The following PIP4K2A variants were observed in gnomAD, a reference collection of about 807,000 sequenced individuals.
PIP4K2A encodes phosphatidylinositol-5-phosphate 4-kinase type 2 alpha, also known as phosphatidylinositol 5-phosphate 4-kinase type-2 alpha.
PIP4K2A carries 14 observed loss-of-function variants against 42.9 expected under a neutral mutation model. The ratio of observed to expected loss-of-function variants is 0.33; its 90% CI spans 0.22 to 0.51. PIP4K2A has a LOEUF of 0.51. Ranked by LOEUF, PIP4K2A falls within the 20% of genes least tolerant of loss-of-function variation. The probability of loss-of-function intolerance (pLI) is 0.97; values close to 1 mark genes in which losing one functional copy is unlikely to be tolerated. For missense variants in PIP4K2A, 434 were observed against 519.8 expected (o/e 0.83, Z 1.61); for synonymous variants, 192 against 192.2 (o/e 1.00, Z 0.01).
chr10:22,570,372 C>T (rs1836955949), intron 5 of PIP4K2A, among the ~76,000 whole-genome samples: 2 of 152,226 alleles, frequency 1.3e-5, no homozygotes, highest in South Asian at 4.1e-4. Flanking sequence ...TGGCTTTCTT[C>T]CCTGGGGAAG....
At chr10:22,664,142 C>CGTAT (rs1319988593) in intron 1 of PIP4K2A, among the ~76,000 whole-genome samples, 1 of 27,956 alleles carries the variant, frequency 3.6e-5, no homozygotes, top group East Asian at 5.9e-4. Context: ...TATATATATA[C>CGTAT]ATATATATAC....
intron 1 of PIP4K2A, among the ~76,000 whole-genome samples, chr10:22,618,809 C>T (rs1015945421): frequency 1.3e-5 from 2 of 152,178 alleles, no homozygotes; most frequent in Admixed American, 1.3e-4. Context: ...GGTGCAATAC[C>T]TACGACCTCT....
intron 3 of PIP4K2A, among the ~76,000 whole-genome samples, chr10:22,606,244 G>C (rs1254156341): frequency 6.6e-6 from 1 of 152,080 alleles, no homozygotes; most frequent in Non-Finnish European, 1.5e-5. Context: ...CCAGCAGTTT[G>C]AGGCTGCAGT....
intron 2 of PIP4K2A, 94 bp downstream of exon 2, chr10:22,609,526 C>T: frequency 2.7e-6 from 2 of 738,410 alleles, no homozygotes; most frequent in South Asian, 1.5e-5. Flanking sequence ...AACTTTACTC[C>T]CACCCATTGA....
At chr10:22,607,165 T>C (rs1266251800) in intron 3 of PIP4K2A, among the ~76,000 whole-genome samples, 3 of 152,230 alleles carry the variant, frequency 2.0e-5, no homozygotes, top group African/African-American at 7.2e-5. Context: ...AAAAAATCCT[T>C]AGCATTTACG....
intron 2 of PIP4K2A, 81 bp downstream of exon 2, chr10:22,609,531 CATTGACAA>C (rs2130708592): frequency 1.3e-6 from 1 of 755,096 alleles, no homozygotes. Context: ...TACTCCCACC[CATTGACAA>C]ATTATGTGAT....
chr10:22,635,498 C>A (rs966381641), intron 1 of PIP4K2A, among the ~76,000 whole-genome samples: 1 of 152,148 alleles, frequency 6.6e-6, no homozygotes, highest in Non-Finnish European at 1.5e-5. Flanking sequence ...GAGACTGTTA[C>A]CCACTGAGTT....
chr10:22,582,891 TAAAA>T (rs57477195), intron 4 of PIP4K2A, among the ~76,000 whole-genome samples: 55 of 118,626 alleles, frequency 4.6e-4, no homozygotes, highest in African/African-American at 1.1e-3. Context: ...CGTCTTGAAG[TAAAA>T]AAAAAAAAAA....
chr10:22,677,865 A>G lies in PIP4K2A; in HGVS notation c.144+36318T>C, dbSNP rs1484619139. ...TGGCCTTCTAGCTGAAGTTTAAATG[A>G]AAGTAACAATTCGGAGATTTGCTAA... On this transcript the variant is annotated intron_variant, in intron 1 of 9. Coordinates refer to ENST00000376573, the MANE Select transcript of PIP4K2A (RefSeq NM_005028.5). Among the ~76,000 whole-genome samples, 4 of 152,284 alleles carry G rather than the reference A, an allele frequency of 2.6e-5. No individual in the cohort carries two copies. In the East Asian group the frequency reaches 7.7e-4, roughly 29 times the overall value.
chr10:22,713,835 G>A (rs1009368990), intron 1 of PIP4K2A: 2 of 164,744 alleles, frequency 1.2e-5, no homozygotes, highest in Non-Finnish European at 2.6e-5. Flanking sequence ...CAGCCGAGGC[G>A]CCGTGCCCCG....
At chr10:22,678,348 G>A (rs570246413) in intron 1 of PIP4K2A, among the ~76,000 whole-genome samples, 9 of 151,756 alleles carry the variant, frequency 5.9e-5, no homozygotes, top group Non-Finnish European at 1.2e-4. Flanking sequence ...TTTTAGCAGT[G>A]CATGATAAAG....
chr10:22,676,637 ACCTTTCATAGGCTCTT>A (rs1839566320), intron 1 of PIP4K2A, among the ~76,000 whole-genome samples: 2 of 152,224 alleles, frequency 1.3e-5, no homozygotes, highest in African/African-American at 4.8e-5. Context: ...GATAAGGGAG[ACCTTTCATAGGCTCTT>A]CCTGCTGATG....
intron 1 of PIP4K2A, among the ~76,000 whole-genome samples, chr10:22,664,224 TATATACAC>T (rs1490446839): frequency 1.9e-5 from 1 of 52,736 alleles, no homozygotes; most frequent in Non-Finnish European, 3.5e-5. Context: ...TATACATATA[TATATACAC>T]ACACACACAC....
intron 4 of PIP4K2A, among the ~76,000 whole-genome samples, chr10:22,574,185 A>AT (rs1165741926): frequency 5.2e-5 from 1 of 19,280 alleles, no homozygotes; most frequent in African/African-American, 3.5e-4. Flanking sequence ...CTGAGAGCAG[A>AT]TTTTCATAAA....
At chr10:22,700,656 C>G (rs1304986209) in intron 1 of PIP4K2A, among the ~76,000 whole-genome samples, 2 of 152,220 alleles carry the variant, frequency 1.3e-5, no homozygotes, top group African/African-American at 2.4e-5. Flanking sequence ...CGTCAGCCCC[C>G]ACCTGCCCCT....
intron 4 of PIP4K2A, among the ~76,000 whole-genome samples, chr10:22,580,782 C>T (rs1273820731): frequency 2.6e-5 from 4 of 152,190 alleles, no homozygotes; most frequent in South Asian, 4.1e-4. Context: ...CTTTCAACCA[C>T]GGTCTACAAG....
intron 9 of PIP4K2A, among the ~76,000 whole-genome samples, chr10:22,538,760 G>C (rs1453188076): frequency 6.6e-6 from 1 of 151,914 alleles, no homozygotes; most frequent in East Asian, 2.0e-4. Context: ...ATTTCTGTTG[G>C]GGGGAAGCCA....
At chr10:22,571,700 G>C (rs1228352140) in intron 5 of PIP4K2A, among the ~76,000 whole-genome samples, 3 of 152,168 alleles carry the variant, frequency 2.0e-5, no homozygotes, top group Admixed American at 6.5e-5. Context: ...GTCAAGCTTT[G>C]GTGTAGTATC....
intron 1 of PIP4K2A, among the ~76,000 whole-genome samples, chr10:22,705,361 T>G (rs1458693993): frequency 2.7e-5 from 4 of 146,732 alleles, no homozygotes; most frequent in Non-Finnish European, 4.5e-5. Context: ...TCCTCTGTGG[T>G]TTTCAATTTT....
Sources: allele counts gnomAD v4.1 joint callset (sites outside exome capture counted in the v4.1 genomes callset), GRCh38; gene constraint gnomAD v4.1.1; transcripts MANE v1.5; gene names NCBI Gene and HGNC (gene_info 2026-07-23, HGNC 2026-07-21).